The following FOCAD variants were observed in gnomAD, a reference collection of about 807,000 sequenced individuals.
FOCAD encodes KIAA1797.
Under a neutral mutation model 225.6 loss-of-function variants are expected in FOCAD, and 198 were observed. That is an observed-to-expected ratio of 0.88 (90% CI 0.78 to 0.99). FOCAD has a LOEUF of 0.99. Ranked by LOEUF, FOCAD falls within the 50% of genes least tolerant of loss-of-function variation. The pLI is 0.00. For synonymous variants in FOCAD, 897 were observed against 755.0 expected, an observed-to-expected ratio of 1.19 and a Z score of -3.08; for missense variants, 2,713 against 2,123.6, an observed-to-expected ratio of 1.28 and a Z score of -5.46.
At chr9:20,729,782 T>C (rs1826519423) in intron 4 of FOCAD, among the ~76,000 whole-genome samples, 1 of 152,106 alleles carries the variant, frequency 6.6e-6, no homozygotes, top group African/African-American at 2.4e-5. Context: ...TGAAACATAA[T>C]TGTGCTTAAA....
At chr9:20,673,250 G>A (rs1254145287) in intron 2 of FOCAD, among the ~76,000 whole-genome samples, 2 of 152,142 alleles carry the variant, frequency 1.3e-5, no homozygotes, top group East Asian at 3.9e-4. Context: ...AAGCTTTTAT[G>A]TGGGTTTATG....
At chr9:20,952,491 G>T (rs946489285) in intron 34 of FOCAD, 4 of 153,854 alleles carry the variant, frequency 2.6e-5, no homozygotes, top group Non-Finnish European at 5.8e-5. Context: ...TGCACATGTT[G>T]GTCACTTACA....
At chr9:20,825,374 A>T (rs565331260) in intron 15 of FOCAD, among the ~76,000 whole-genome samples, 2 of 152,188 alleles carry the variant, frequency 1.3e-5, no homozygotes, top group East Asian at 3.9e-4. Context: ...TCTAATTGAT[A>T]TCATGTGTGA....
In FOCAD at chr9:20,879,881, C is replaced by A. The variant is rs74932898; in HGVS notation, c.2318-1990C>A. The stretch of plus-strand genomic sequence containing the variant: ...AGAAAACTTCCATTGCTGGGTTAGT[C>A]TATGTGCAGATATGTTCTTGCCCCT... On this transcript the variant is annotated intron_variant, in intron 19 of 43. Transcript: ENST00000338382. Among the ~76,000 whole-genome samples the A allele has an allele frequency of 3.9e-5, 6 of 152,280 alleles. No homozygotes were observed. The East Asian group carries it at 1.2e-3, about 29-fold the overall frequency.
chr9:20,810,692 A>G (rs971953519), intron 11 of FOCAD, among the ~76,000 whole-genome samples: 2 of 152,032 alleles, frequency 1.3e-5, no homozygotes, highest in Non-Finnish European at 2.9e-5. Context: ...AGTTTTTCTT[A>G]TACTGTTTTC....
chr9:20,977,850 G>A (rs1055481803), intron 36 of FOCAD, among the ~76,000 whole-genome samples: 1 of 152,144 alleles, frequency 6.6e-6, no homozygotes, highest in Non-Finnish European at 1.5e-5. Context: ...ATATTGAAAT[G>A]TTTGTGTTTC....
intron 21 of FOCAD, among the ~76,000 whole-genome samples, chr9:20,900,795 TA>T (rs1306183302): frequency 1.3e-4 from 20 of 151,936 alleles, no homozygotes; most frequent in African/African-American, 4.1e-4. Context: ...TTCTATTAAA[TA>T]ACAGAATAAA....
intron 25 of FOCAD, among the ~76,000 whole-genome samples, chr9:20,925,945 A>G (rs377343841): frequency 6.6e-6 from 1 of 152,104 alleles, no homozygotes; most frequent in African/African-American, 2.4e-5. Flanking sequence ...AGAAATTTTG[A>G]ATTATGTTTT....
chr9:20,863,386 A>G (rs1587436195), intron 16 of FOCAD: 2 of 152,176 alleles, frequency 1.3e-5, no homozygotes. Flanking sequence ...CACTCCAGCC[A>G]TCAGATTCCA....
chr9:20,827,770 C>T (rs10964731), intron 15 of FOCAD, among the ~76,000 whole-genome samples: 2 of 151,852 alleles, frequency 1.3e-5, no homozygotes, highest in Non-Finnish European at 2.9e-5. Context: ...AGGAGATGTA[C>T]GTTAAAGGAT....
intron 11 of FOCAD, among the ~76,000 whole-genome samples, chr9:20,802,992 T>C (rs1197093079): frequency 1.3e-5 from 2 of 152,170 alleles, no homozygotes; most frequent in Non-Finnish European, 2.9e-5. Flanking sequence ...TCTAATTCCG[T>C]ATTGCCTCCT....
At chr9:20,757,249 T>G (rs1278047537) in intron 5 of FOCAD, among the ~76,000 whole-genome samples, 2 of 152,218 alleles carry the variant, frequency 1.3e-5, no homozygotes, top group Non-Finnish European at 2.9e-5. Context: ...TTTAAATATT[T>G]TCTTGGAGGA....
At chr9:20,839,447 A>G (rs1274946774) in intron 15 of FOCAD, among the ~76,000 whole-genome samples, 1 of 151,276 alleles carries the variant, frequency 6.6e-6, no homozygotes, top group Non-Finnish European at 1.5e-5. Context: ...TTTTTTGTAG[A>G]GACTGGGTTT....
chr9:20,861,839 A>G (rs983977057), intron 15 of FOCAD, among the ~76,000 whole-genome samples: 10 of 152,134 alleles, frequency 6.6e-5, no homozygotes, highest in African/African-American at 2.2e-4. Context: ...TAAAACATCT[A>G]TCAGTGAAAA....
chr9:20,861,364 A>T (rs553903659), intron 15 of FOCAD, among the ~76,000 whole-genome samples: 17 of 152,164 alleles, frequency 1.1e-4, no homozygotes, highest in Non-Finnish European at 1.9e-4. Context: ...TTTTATTTCA[A>T]ATGCTGATGA....
chr9:20,783,055 A>G (rs1296232413), intron 10 of FOCAD, among the ~76,000 whole-genome samples: 1 of 152,190 alleles, frequency 6.6e-6, no homozygotes, highest in African/African-American at 2.4e-5. Flanking sequence ...CCCATGTAGA[A>G]CAATGATTGG....
At chr9:20,905,518 T>C (rs1470958451) in intron 21 of FOCAD, among the ~76,000 whole-genome samples, 2 of 152,146 alleles carry the variant, frequency 1.3e-5, no homozygotes, top group East Asian at 1.9e-4. Flanking sequence ...TTTAAAAATA[T>C]TTTAAGCTTG....
chr9:20,693,655 C>CA (rs1409951786), intron 1 of FOCAD, among the ~76,000 whole-genome samples: 3 of 152,080 alleles, frequency 2.0e-5, no homozygotes, highest in Non-Finnish European at 2.9e-5. Context: ...AGCTCTGGAC[C>CA]ATTATCTGAG....
intron 11 of FOCAD, among the ~76,000 whole-genome samples, chr9:20,791,237 T>TCAAA (rs1554684393): frequency 6.7e-6 from 1 of 148,492 alleles, no homozygotes; most frequent in African/African-American, 2.5e-5. Context: ...ACACACACAC[T>TCAAA]CACACACACA....
Sources: allele counts gnomAD v4.1 joint callset (sites outside exome capture counted in the v4.1 genomes callset), GRCh38; gene constraint gnomAD v4.1.1; transcripts MANE v1.5; gene names NCBI Gene and HGNC (gene_info 2026-07-23, HGNC 2026-07-21).